Variants in RUFY3 observed in about 807,000 individuals in gnomAD.
RUFY3 encodes protein RUFY3.
Under a neutral mutation model 84.0 loss-of-function variants are expected in RUFY3, and 34 were observed. That is an observed-to-expected ratio of 0.40 (90% CI 0.31 to 0.54). RUFY3 has a LOEUF of 0.54. RUFY3 is among the 20% of genes least tolerant of loss of function. The pLI, the probability that RUFY3 is intolerant of heterozygous loss-of-function variation, is 0.39. For synonymous variants in RUFY3, 242 were observed against 252.9 expected (o/e 0.96, Z 0.41); for missense variants, 507 against 736.8 (o/e 0.69, Z 3.61).
chr4:70,749,655 G>A (rs1458837124), intron 1 of RUFY3, among the ~76,000 whole-genome samples: 3 of 143,746 alleles, frequency 2.1e-5, no homozygotes, highest in South Asian at 2.2e-4. Context: ...TTCTTGTCTT[G>A]TCTTTTTTTT....
chr4:70,711,303 C>G (rs755121325), intron 1 of RUFY3, among the ~76,000 whole-genome samples: 9 of 151,886 alleles, frequency 5.9e-5, no homozygotes, highest in Non-Finnish European at 1.2e-4. Context: ...CTTCTTTAAA[C>G]TTTGAAAAGG....
intron 16 of RUFY3, 88 bp downstream of exon 16, chr4:70,803,071 G>A (rs1046523597): frequency 1.2e-5 from 11 of 928,956 alleles, no homozygotes; most frequent in African/African-American, 8.3e-5. Context: ...TAGCATGGGC[G>A]GAAGATGAGT....
chr4:70,760,452 C>CA (rs3836684), intron 1 of RUFY3, among the ~76,000 whole-genome samples: 6,995 of 151,972 alleles, frequency 0.046, 354 homozygotes, highest in East Asian at 0.2. Context: ...TATGGGCAGG[C>CA]AGTTATCTAG....
rs762253929 is a variant in RUFY3, at chr4:70,727,354, C to CTTT, written c.178+4620_178+4622dup. Among the ~76,000 whole-genome samples, 30 of 118,248 alleles carry CTTT rather than the reference C, an allele frequency of 2.5e-4. 1 individual carries two copies. Among genetic ancestry groups the CTTT allele is most frequent in the African/African-American group, 8.6e-4 (25 of 29,232 alleles). The allele number at this position is 118,248 out of a possible 152,430, so 77.6% of individuals were successfully genotyped here. ...AATTCTAGGATCAGGAAAGTAATAACTTTTTTTTTTTTTTTTTTTGAGACA... is the reference window on the plus strand; with the variant it reads ...AATTCTAGGATCAGGAAAGTAATAACTTTTTTTTTTTTTTTTTTTTTTGAGACA... On this transcript the variant is annotated intron_variant, in intron 1 of 17. Transcript: ENST00000381006.
rs111730457 is a variant in RUFY3 at position 70,713,907 on chromosome 4, A to G, written c.358+8613A>G. Among the ~76,000 whole-genome samples the G allele has an allele frequency of 3.4e-3, 522 of 152,246 alleles. 2 individuals carry two copies. The highest frequency in any genetic ancestry group is 0.012 in the African/African-American group (506 of 41,534). ...CTTTGCCTCTGTCCCATAAACGTTT[A>G]TCCTTACTGACTTTCATTTTATGTG... On this transcript the variant is annotated intron_variant, in intron 1 of 11. Coordinates refer to the RUFY3 transcript ENST00000417478.
intron 14 of RUFY3, among the ~76,000 whole-genome samples, chr4:70,796,907 T>C (rs963939347): frequency 6.6e-6 from 1 of 152,094 alleles, no homozygotes; most frequent in African/African-American, 2.4e-5. Flanking sequence ...AGAATTCATA[T>C]TACTCTGATA....
intron 10 of RUFY3, among the ~76,000 whole-genome samples, chr4:70,787,159 C>G (rs1480341480): frequency 5.1e-5 from 5 of 98,760 alleles, no homozygotes; most frequent in African/African-American, 2.4e-4. Context: ...AAAGTGAGAC[C>G]CTGTCTCAGA....
At chr4:70,759,158 C>T (rs1030644307) in intron 1 of RUFY3, among the ~76,000 whole-genome samples, 1 of 152,208 alleles carries the variant, frequency 6.6e-6, no homozygotes, top group African/African-American at 2.4e-5. Context: ...TCTTCCCCTC[C>T]TCCATACTCT....
At chr4:70,740,223 C>T (rs1361585171) in intron 1 of RUFY3, among the ~76,000 whole-genome samples, 3 of 152,268 alleles carry the variant, frequency 2.0e-5, no homozygotes, top group Middle Eastern at 3.4e-3. Flanking sequence ...AACAGCTTTA[C>T]ATGGAAAAGA....
At chr4:70,779,348 T>A (rs766349568) in intron 8 of RUFY3, among the ~76,000 whole-genome samples, 48 of 152,152 alleles carry the variant, frequency 3.2e-4, no homozygotes, top group Non-Finnish European at 4.1e-4. Context: ...CACTTCCTTT[T>A]CGGCCTCACA....
chr4:70,729,292 T>C (rs1157170615), intron 1 of RUFY3, among the ~76,000 whole-genome samples: 2 of 152,106 alleles, frequency 1.3e-5, no homozygotes, highest in African/African-American at 4.8e-5. Context: ...AGTCTCACAG[T>C]GTCACCTGGA....
chr4:70,748,468 T>G (rs767232894), intron 1 of RUFY3, among the ~76,000 whole-genome samples: 15 of 152,238 alleles, frequency 9.9e-5, no homozygotes, highest in Non-Finnish European at 1.9e-4. Context: ...GAAGTACAAA[T>G]GTACAATATT....
At chr4:70,705,197 C>G in exon 1 of RUFY3, 1 of 1,462,388 alleles carries the variant, frequency 6.8e-7, no homozygotes, top group Non-Finnish European at 9.0e-7. Flanking sequence ...AGCAGCAGCG[C>G]TCCTGGAGGA....
chr4:70,708,840 T>C (rs1740646775), intron 1 of RUFY3, among the ~76,000 whole-genome samples: 1 of 152,116 alleles, frequency 6.6e-6, no homozygotes, highest in Non-Finnish European at 1.5e-5. Context: ...AGCCCAGGAA[T>C]TGGAGACCAG....
chr4:70,735,333 C>G (rs1438645972), intron 1 of RUFY3, among the ~76,000 whole-genome samples: 1 of 152,118 alleles, frequency 6.6e-6, no homozygotes, highest in Non-Finnish European at 1.5e-5. Flanking sequence ...CTTTTGAGTA[C>G]AGGGCTGTAA....
At chr4:70,732,614 G>A (rs1245657268) in intron 1 of RUFY3, among the ~76,000 whole-genome samples, 2 of 152,080 alleles carry the variant, frequency 1.3e-5, no homozygotes, top group Non-Finnish European at 2.9e-5. Flanking sequence ...GCAAGGACAT[G>A]GATGAAGCTG....
At chr4:70,752,723 T>C (rs1723332862) in intron 1 of RUFY3, among the ~76,000 whole-genome samples, 1 of 152,222 alleles carries the variant, frequency 6.6e-6, no homozygotes, top group Non-Finnish European at 1.5e-5. Flanking sequence ...TGATTGAGTT[T>C]TGTGTGTTGG....
At chr4:70,804,485 G>T in intron 17 of RUFY3, 69 bp downstream of exon 17, 2 of 1,336,574 alleles carry the variant, frequency 1.5e-6, no homozygotes, top group Non-Finnish European at 2.1e-6. Flanking sequence ...CCCTCCCCAG[G>T]AGTAACAGGG....
At chr4:70,799,762 G>T in intron 14 of RUFY3, 1 of 195,460 alleles carries the variant, frequency 5.1e-6, no homozygotes, top group Non-Finnish European at 1.0e-5. Flanking sequence ...ATTATAGTCT[G>T]CTGTATATGG....
Sources: gnomAD v4.1 joint callset for allele counts (sites outside exome capture counted in the v4.1 genomes callset) on GRCh38, gnomAD v4.1.1 for gene constraint, MANE v1.5 for transcripts, NCBI Gene and HGNC (gene_info 2026-07-23, HGNC 2026-07-21) for gene names.